The following FTO variants were observed in gnomAD, a reference collection of about 807,000 sequenced individuals.
FTO encodes the protein FTO alpha-ketoglutarate dependent dioxygenase, also known as alpha-ketoglutarate-dependent dioxygenase FTO.
Under a neutral mutation model 63.9 loss-of-function variants are expected in FTO, and 47 were observed. The ratio of observed to expected loss-of-function variants is 0.74; its 90% CI spans 0.58 to 0.94. The LOEUF (loss-of-function observed/expected upper bound fraction) is 0.94, where lower values mean the gene tolerates loss of function less well. Among genes scored for constraint, FTO ranks in the 40% least tolerant of loss-of-function variants. The pLI, the probability that FTO is intolerant of heterozygous loss-of-function variation, is 0.00. For synonymous variants in FTO, 207 were observed against 224.4 expected (o/e 0.92, Z 0.69); for missense variants, 562 against 618.1 (o/e 0.91, Z 0.96).
rs573188096 is a variant in FTO at position 53,841,352 on chromosome 16, T to G, written c.752-2803T>G. On this transcript the variant is annotated intron_variant, in intron 3 of 8. Transcript: ENST00000471389. ...AATGGCTTTGGACTTTTATTGTTAT[T>G]CTGTTAAAAAAACCTAATTAAAAGA... is the stretch of plus-strand genomic sequence containing the variant. Among the ~76,000 whole-genome samples the G allele has an allele frequency of 2.3e-3, 271 of 119,322 alleles. 2 individuals carry two copies. The highest frequency in any genetic ancestry group is 3.7e-3 in the Non-Finnish European group (207 of 55,954). 78.3% of individuals were successfully genotyped at this position (119,322 alleles called of 152,430 possible).
chr16:53,857,574 C>A (rs1488644552), intron 4 of FTO, among the ~76,000 whole-genome samples: 1 of 151,996 alleles, frequency 6.6e-6, no homozygotes, highest in African/African-American at 2.4e-5. Flanking sequence ...GAGCCTTCGT[C>A]TTTGGAGGCC....
chr16:54,085,786 C>T (rs1366219384), intron 8 of FTO, among the ~76,000 whole-genome samples: 2 of 152,146 alleles, frequency 1.3e-5, no homozygotes, highest in African/African-American at 4.8e-5. Flanking sequence ...CCCTCCGACT[C>T]GTCTCGCTGT....
intron 1 of FTO, among the ~76,000 whole-genome samples, chr16:53,741,764 A>C (rs1283382637): frequency 6.6e-6 from 1 of 152,140 alleles, no homozygotes; most frequent in African/African-American, 2.4e-5. Flanking sequence ...TGAAACGACA[A>C]ATATTAATTA....
chr16:53,829,480 A>G (rs2079090582), intron 3 of FTO, among the ~76,000 whole-genome samples: 1 of 152,268 alleles, frequency 6.6e-6, no homozygotes, highest in African/African-American at 2.4e-5. Flanking sequence ...TGGTGGGCGC[A>G]TGTCTTCTAA....
chr16:53,707,335 C>A (rs1264101767), intron 1 of FTO, among the ~76,000 whole-genome samples: 1 of 152,152 alleles, frequency 6.6e-6, no homozygotes, highest in Non-Finnish European at 1.5e-5. Context: ...TCTCAAATCT[C>A]TCTCTCCTTT....
chr16:54,120,663 TG>T lies in FTO; in HGVS notation c.*8751del, dbSNP rs2086999089. On this transcript the variant is annotated 3_prime_UTR_variant, in exon 9 of 9. Coordinates refer to ENST00000471389, the MANE Select transcript of FTO (RefSeq NM_001080432.3). ...TCAAGTTTCTGATAAGTATTGAATT[TG>T]GGAAGGCTGTGAACATTCTTGAGCC... The T allele has an allele frequency of 1.3e-5, 2 of 152,206 alleles. No homozygotes were observed. Among genetic ancestry groups the T allele is most frequent in the Non-Finnish European group, 2.9e-5 (2 of 68,038 alleles). The allele number at this position is 152,206 out of a possible 1,614,324, so 9.4% of individuals were successfully genotyped here. A position where few individuals can be genotyped will look rare whatever the true frequency, so the allele number is the denominator to read the frequency against.
At chr16:54,078,416 A>G (rs886741427) in intron 8 of FTO, among the ~76,000 whole-genome samples, 3 of 147,848 alleles carry the variant, frequency 2.0e-5, no homozygotes, top group South Asian at 2.1e-4. Flanking sequence ...TACATAAATT[A>G]TAAATATATA....
rs527842315 is a variant in FTO, at chr16:53,808,068, G to A, written c.46-2072G>A. On this transcript the variant is annotated intron_variant, in intron 1 of 8. Coordinates refer to ENST00000471389, the MANE Select transcript of FTO (RefSeq NM_001080432.3). ...TTCTGTAATCCCAGCACTTTGGGAG[G>A]CCAAGGCGGGCAGATCATTTGAGGC... 3.9e-5 allele frequency among the ~76,000 whole-genome samples: 6 copies of A among 152,118 alleles called. No homozygotes were observed. In the South Asian group the frequency reaches 8.3e-4, roughly 21 times the overall value.
chr16:53,986,886 G>T (rs1012458567), intron 8 of FTO, among the ~76,000 whole-genome samples: 6 of 152,130 alleles, frequency 3.9e-5, no homozygotes, highest in Non-Finnish European at 8.8e-5. Flanking sequence ...CTGTAGCTTT[G>T]ATCCTTTTCA....
chr16:53,843,250 G>A (rs1454125806), intron 3 of FTO, among the ~76,000 whole-genome samples: 2 of 152,154 alleles, frequency 1.3e-5, no homozygotes, highest in Non-Finnish European at 2.9e-5. Context: ...ATTCTTAAAA[G>A]TGTAATTTCT....
Position 53,704,216 on chromosome 16 carries a change from A to G in FTO, c.32A>G (p.Glu11Gly). Residue 11 changes from glutamate (E) to glycine (G), a missense_variant, in exon 1 of 9, where the codon GAG (glutamate) becomes GGG (glycine). Physicochemically the swap from Glu to Gly is moderately conservative, Grantham distance 98. Transcript: ENST00000471389. MKRTPTAEER[E>G]REAKKLRLLE... The stretch of plus-strand genomic sequence containing the variant: ...CGCACCCCGACTGCCGAGGAACGAG[A>G]GCGCGAAGCTAAGGTATGTCGGGCT... 6.4e-7 allele frequency: 1 copy of G among 1,551,476 alleles called. No homozygotes were observed. Among genetic ancestry groups the G allele is most frequent in the Non-Finnish European group, 8.7e-7 (1 of 1,146,822 alleles).
At chr16:53,712,765 A>G (rs1331216124) in intron 1 of FTO, among the ~76,000 whole-genome samples, 1 of 152,182 alleles carries the variant, frequency 6.6e-6, no homozygotes, top group Non-Finnish European at 1.5e-5. Context: ...GGAGACATTA[A>G]TAAGTATCTG....
At chr16:54,070,518 T>C (rs927839521) in intron 8 of FTO, 5 of 152,080 alleles carry the variant, frequency 3.3e-5, no homozygotes, top group Non-Finnish European at 7.4e-5. Flanking sequence ...TCCAGAAAAA[T>C]ACTGGAAACC....
At chr16:53,864,525 A>G (rs1222793432) in intron 4 of FTO, among the ~76,000 whole-genome samples, 1 of 152,180 alleles carries the variant, frequency 6.6e-6, no homozygotes, top group African/African-American at 2.4e-5. Flanking sequence ...ATTTCATGCT[A>G]CAGTGAATGT....
At position 53,782,047 on chromosome 16, in the gene FTO, C is replaced by T. The variant is rs573687740; in HGVS notation, c.46-28093C>T. On this transcript the variant is annotated intron_variant, in intron 1 of 8. Transcript: ENST00000471389. ...TTTGACCCTTTTGAGAATCTGATGA[C>T]AGTTATGGAACCCTCTCCCCAGACA... Among the ~76,000 whole-genome samples, 16 of 152,166 alleles carry T rather than the reference C, an allele frequency of 1.1e-4. No individual in the cohort carries two copies. In the East Asian group the frequency reaches 2.1e-3, roughly 20 times the overall value.
At chr16:53,982,559 T>G (rs1476400379) in intron 8 of FTO, among the ~76,000 whole-genome samples, 2 of 152,200 alleles carry the variant, frequency 1.3e-5, no homozygotes. Context: ...CCTGCTTGCA[T>G]GAACTTGTTC....
intron 8 of FTO, among the ~76,000 whole-genome samples, chr16:54,101,492 A>G (rs1178017253): frequency 2.0e-5 from 3 of 152,132 alleles, no homozygotes; most frequent in African/African-American, 7.2e-5. Flanking sequence ...CATGGTGTAT[A>G]TGTGGATCTT....
intron 1 of FTO, among the ~76,000 whole-genome samples, chr16:53,751,556 A>AATATTATATGGTTCCATTCAT (rs1450935837): frequency 6.6e-6 from 1 of 152,214 alleles, no homozygotes; most frequent in Non-Finnish European, 1.5e-5. Context: ...ATGGAAGACT[A>AATATTATATGGTTCCATTCAT]ATATTATATG....
chr16:54,048,256 G>GAA (rs111381976), intron 8 of FTO, among the ~76,000 whole-genome samples: 21 of 134,014 alleles, frequency 1.6e-4, no homozygotes, highest in Middle Eastern at 3.8e-3. Flanking sequence ...AAAAATACTT[G>GAA]AAAAAAAAAA....
Sources: allele counts gnomAD v4.1 joint callset (sites outside exome capture counted in the v4.1 genomes callset), GRCh38; gene constraint gnomAD v4.1.1; transcripts MANE v1.5; gene names NCBI Gene and HGNC (gene_info 2026-07-23, HGNC 2026-07-21).